BAG2: variants seen among roughly 807,000 people sequenced by gnomAD.
The protein encoded by BAG2 is BAG family molecular chaperone regulator 2.
A neutral mutation model predicts 16.4 loss-of-function variants in BAG2; 8 were observed. The ratio of observed to expected loss-of-function variants is 0.49; its 90% CI spans 0.29 to 0.88. The LOEUF is 0.88. Ranked by LOEUF, BAG2 falls within the 40% of genes least tolerant of loss-of-function variation. BAG2 has a pLI of 0.09. For synonymous variants in BAG2, 82 were observed against 89.2 expected (o/e 0.92, Z 0.46); for missense variants, 218 against 248.9 (o/e 0.88, Z 0.84).
intron 1 of BAG2, among the ~76,000 whole-genome samples, chr6:57,175,843 CTGAATTT>C (rs1562639615): frequency 2.6e-4 from 40 of 152,226 alleles, no homozygotes; most frequent in African/African-American, 8.7e-4. Flanking sequence ...AAGTGTTTCC[CTGAATTT>C]TGTGAGCTGC....
Position 57,188,888 on chromosome 6 carries a change from T to A in BAG2, c.*4698T>A, listed in dbSNP as rs1403930094. 1 of 152,062 alleles carries A rather than the reference T, an allele frequency of 6.6e-6. No individual in the cohort carries two copies. Among genetic ancestry groups the A allele is most frequent in the Non-Finnish European group, 1.5e-5 (1 of 67,990 alleles). 9.4% of individuals were successfully genotyped at this position (152,062 alleles called of 1,614,324 possible). A position where few individuals can be genotyped will look rare whatever the true frequency, so the allele number is the denominator to read the frequency against. The stretch of plus-strand genomic sequence containing the variant: ...CCAGGAAATTTGATTTTCTCAACAT[T>A]AGGAGGATGAGGGGAGTACAGATGG... On this transcript the variant is annotated 3_prime_UTR_variant, in exon 3 of 3. Coordinates refer to ENST00000370693, the MANE Select transcript of BAG2 (RefSeq NM_004282.4).
intron 1 of BAG2, among the ~76,000 whole-genome samples, chr6:57,180,882 A>G (rs1764419623): frequency 6.6e-6 from 1 of 152,240 alleles, no homozygotes; most frequent in African/African-American, 2.4e-5. Flanking sequence ...TCTGTAACCA[A>G]CAAGAATCTC....
chr6:57,172,545 G>A lies in BAG2; in HGVS notation c.-153G>A, dbSNP rs971044388. 1 of 551,478 alleles carries A rather than the reference G, an allele frequency of 1.8e-6. No homozygotes were observed. Among genetic ancestry groups the A allele is most frequent in the Non-Finnish European group, 3.0e-6 (1 of 334,652 alleles). The allele number at this position is 551,478 out of a possible 1,614,324, so 34.2% of individuals were successfully genotyped here. A position where few individuals can be genotyped will look rare whatever the true frequency, so the allele number is the denominator to read the frequency against. On this transcript the variant is annotated 5_prime_UTR_variant, in exon 1 of 3. The change creates a new upstream start codon in the 5' untranslated region. Coordinates refer to ENST00000370693, the MANE Select transcript of BAG2 (RefSeq NM_004282.4). ...CTTCTTTGGCTACGCTGCAGCCGCG[G>A]TGTCGGCGAGTCCTCCCGGGTTGCC...
Position 57,172,714 on chromosome 6 carries a change from T to C in BAG2, c.17T>C (p.Ile6Thr), listed in dbSNP as rs777447219. 6.4e-7 allele frequency: 1 copy of C among 1,573,990 alleles called. No individual in the cohort carries two copies. The highest frequency in any genetic ancestry group is 8.6e-7 in the Non-Finnish European group (1 of 1,163,076). ...GAGGCTTAGATGGCTCAGGCGAAGA[T>C]CAACGCTAAAGCCAACGAGGGGCGC... Reference protein sequence around the residue: MAQAKINAKANEGRFC... With the variant: MAQAKTNAKANEGRFC... Residue 6 changes from isoleucine to threonine, a missense_variant, in exon 1 of 3, where the codon ATC becomes ACC. Around this residue, in one of 3 missense-constraint regions of BAG2, gnomAD observed 75 missense variants for 63.1 expected, o/e 1.19. Transcript: ENST00000370693.
intron 1 of BAG2, among the ~76,000 whole-genome samples, chr6:57,174,644 T>C (rs920515409): frequency 1.4e-4 from 22 of 152,114 alleles, no homozygotes; most frequent in Non-Finnish European, 2.8e-4. Context: ...AAAAAAGTAA[T>C]ACTAGCTGAA....
At chr6:57,173,301 G>T in intron 1 of BAG2, 1 of 985,500 alleles carries the variant, frequency 1.0e-6, no homozygotes, top group Non-Finnish European at 1.2e-6. Context: ...GAACAAAAAT[G>T]AATAAAACAA....
intron 1 of BAG2, among the ~76,000 whole-genome samples, chr6:57,181,413 T>C (rs1764437761): frequency 6.6e-6 from 1 of 152,178 alleles, no homozygotes; most frequent in Admixed American, 6.6e-5. Context: ...CATAGGGGGC[T>C]GGGTGTGGTG....
intron 1 of BAG2, among the ~76,000 whole-genome samples, chr6:57,177,924 T>G (rs1211425518): frequency 6.6e-6 from 1 of 152,210 alleles, no homozygotes; most frequent in East Asian, 1.9e-4. Context: ...TAGCTGAGGA[T>G]GCATGCGCTC....
intron 2 of BAG2, 125 bp from the exon 3 acceptor site, chr6:57,183,653 A>G (rs11758999): frequency 8.2e-5 from 61 of 739,746 alleles, no homozygotes; most frequent in Non-Finnish European, 1.2e-4. Flanking sequence ...CTTACATGCT[A>G]TAGTTTCAGC....
chr6:57,172,992 A>AT, intron 1 of BAG2, 182 bp downstream of exon 1: 1 of 689,792 alleles, frequency 1.4e-6, no homozygotes, highest in South Asian at 2.7e-5. Flanking sequence ...TGTTTCTTGG[A>AT]TTATCTCCCC....
Position 57,184,201 on chromosome 6 carries a change from T to TA in BAG2, c.*13dup. On this transcript the variant is annotated 3_prime_UTR_variant, in exon 3 of 3. Coordinates refer to ENST00000370693, the MANE Select transcript of BAG2 (RefSeq NM_004282.4). ...AGCAGATTCAATTAGTCTTCAAACC[T>TA]AAGAGCATTTACACAATACACAAGG... 2 of 1,526,416 alleles carry TA rather than the reference T, an allele frequency of 1.3e-6. No homozygotes were observed. The highest frequency in any genetic ancestry group is 1.7e-6 in the Non-Finnish European group (2 of 1,146,054). The allele number at this position is 1,526,416 out of a possible 1,614,324, so 94.6% of individuals were successfully genotyped here.
chr6:57,181,271 A>T (rs1249185609), intron 1 of BAG2, among the ~76,000 whole-genome samples: 1 of 152,216 alleles, frequency 6.6e-6, no homozygotes, highest in African/African-American at 2.4e-5. Flanking sequence ...TATTCATAGA[A>T]GTGTTATTTG....
At position 57,172,619 on chromosome 6, in the gene BAG2, C is replaced by A; in HGVS notation, c.-79C>A. 8.2e-7 allele frequency: 1 copy of A among 1,223,308 alleles called. No individual in the cohort carries two copies. Among genetic ancestry groups the A allele is most frequent in the Non-Finnish European group, 1.1e-6 (1 of 928,522 alleles). 75.8% of individuals were successfully genotyped at this position (1,223,308 alleles called of 1,614,324 possible). ...GGGCGCCCGCGTGGTGACGGCGACG[C>A]CTGCAGCCCAAGGAGCGCTCCACTC... is the stretch of plus-strand genomic sequence containing the variant. On this transcript the variant is annotated 5_prime_UTR_variant, in exon 1 of 3. Transcript: ENST00000370693.
chr6:57,173,158 C>T (rs1593187841), intron 1 of BAG2: 2 of 1,010,492 alleles, frequency 2.0e-6, no homozygotes, highest in Non-Finnish European at 2.4e-6. Context: ...ACTGTGGCAG[C>T]TTGGGTCTGC....
rs1360947268 is a variant in BAG2, at chr6:57,186,609, C to CT, written c.*2421dup. 1 of 152,174 alleles carries CT rather than the reference C, an allele frequency of 6.6e-6. No homozygotes were observed. The highest frequency in any genetic ancestry group is 1.5e-5 in the Non-Finnish European group (1 of 68,048). The allele number at this position is 152,174 out of a possible 1,614,324, so 9.4% of individuals were successfully genotyped here. Reference sequence around the variant, plus strand: ...GGGATTACAGGCATGAGCCACCACGCTTGGCCAATGGGTTGGTTCTTAACA... The same window carrying CT: ...GGGATTACAGGCATGAGCCACCACGCTTTGGCCAATGGGTTGGTTCTTAACA... On this transcript the variant is annotated 3_prime_UTR_variant, in exon 3 of 3. Transcript: ENST00000370693.
chr6:57,182,341 C>T (rs1449281309), intron 2 of BAG2, among the ~76,000 whole-genome samples, 200 bp downstream of exon 2: 2 of 151,932 alleles, frequency 1.3e-5, no homozygotes, highest in Admixed American at 6.6e-5. Flanking sequence ...ATGCTCTCTA[C>T]CCCAAGCCCC....
chr6:57,172,832 T>A (rs765221787), intron 1 of BAG2, 22 bp downstream of exon 1: 13 of 1,462,914 alleles, frequency 8.9e-6, no homozygotes, highest in Non-Finnish European at 4.5e-6. Flanking sequence ...GCGGGCGGTC[T>A]CGGGCGTTCT....
rs1562643284 is a variant in BAG2, at chr6:57,184,119, A to G, written c.565A>G (p.Lys189Glu). ...TATTGAAAACTCTGACAAGGCCATC[A>G]AGCTATTAGAGCATTCTAAAGGAGC... ...RNIENSDKAIKLLEHSKGAGS... is the reference protein window; with the variant it reads ...RNIENSDKAIELLEHSKGAGS... The change falls in exon 3 of 3, where the codon AAG becomes GAG. Residue 189 changes from lysine to glutamate, a missense_variant. By Grantham distance (56) the Lys-to-Glu change is moderately conservative. This residue lies in a region of BAG2 where 113 missense variants were observed against 128.0 expected (regional missense o/e 0.88). Transcript: ENST00000370693. The G allele has an allele frequency of 6.3e-7, 1 of 1,598,540 alleles. No individual in the cohort carries two copies. The highest frequency in any genetic ancestry group is 2.2e-5 in the East Asian group (1 of 44,842).
At chr6:57,174,860 G>A (rs1450163003) in intron 1 of BAG2, among the ~76,000 whole-genome samples, 1 of 152,172 alleles carries the variant, frequency 6.6e-6, no homozygotes, top group Non-Finnish European at 1.5e-5. Flanking sequence ...ATAAAGTAGT[G>A]TAACTGTGTA....
Sources: allele counts gnomAD v4.1 joint callset (sites outside exome capture counted in the v4.1 genomes callset), GRCh38; gene constraint gnomAD v4.1.1; regional missense constraint gnomAD v4.1.1; transcripts MANE v1.5; gene names NCBI Gene and HGNC (gene_info 2026-07-23, HGNC 2026-07-21).